Variants in SNTG2 observed in about 807,000 individuals in gnomAD.
The protein encoded by SNTG2 is syntrophin gamma 2.
A neutral mutation model predicts 70.9 loss-of-function variants in SNTG2; 74 were observed. The ratio of observed to expected loss-of-function variants is 1.04; its 90% confidence interval spans 0.86 to 1.27. The LOEUF (loss-of-function observed/expected upper bound fraction) is 1.27, where lower values mean the gene tolerates loss of function less well. SNTG2 is among the 50% of genes most tolerant of loss of function. The pLI is 0.00. For synonymous variants in SNTG2, 278 were observed against 273.8 expected (o/e 1.02, Z -0.15); for missense variants, 717 against 690.7 (o/e 1.04, Z -0.43).
chr2:982,200 C>T (rs1350598215), intron 1 of SNTG2, among the ~76,000 whole-genome samples: 2 of 152,208 alleles, frequency 1.3e-5, no homozygotes, highest in Non-Finnish European at 2.9e-5. Flanking sequence ...GAATCCTGCT[C>T]TCCTTGTTTT....
chr2:1,222,067 CTCTCTGTCTCTGTCTCTGT>C (rs1675144299), intron 9 of SNTG2, among the ~76,000 whole-genome samples: 1 of 13,014 alleles, frequency 7.7e-5, no homozygotes, highest in Non-Finnish European at 2.0e-4. Context: ...GTCTCTGTTT[CTCTCTGTCTCTGTCTCTGT>C]CTCTCTCTGT....
At chr2:1,204,059 T>A (rs1673473586) in intron 8 of SNTG2, among the ~76,000 whole-genome samples, 1 of 152,184 alleles carries the variant, frequency 6.6e-6, no homozygotes, top group Admixed American at 6.5e-5. Flanking sequence ...ATCATTCGAT[T>A]AATACCGAGT....
intron 9 of SNTG2, among the ~76,000 whole-genome samples, chr2:1,216,867 C>T (rs530195082): frequency 2.8e-4 from 43 of 152,010 alleles, no homozygotes; most frequent in African/African-American, 7.2e-4. Flanking sequence ...CTCATGATAG[C>T]GAGTGAATTC....
At chr2:1,314,484 A>G (rs1681174070) in intron 15 of SNTG2, among the ~76,000 whole-genome samples, 1 of 152,238 alleles carries the variant, frequency 6.6e-6, no homozygotes, top group Non-Finnish European at 1.5e-5. Context: ...CTCCGGAGGC[A>G]GGTGCAGTGG....
Position 1,366,197 on chromosome 2 carries a change from T to C in SNTG2, c.1489-1146T>C, listed in dbSNP as rs563006917. Among the ~76,000 whole-genome samples, 10 of 152,288 alleles carry C rather than the reference T, an allele frequency of 6.6e-5. No individual in the cohort carries two copies. In the East Asian group the frequency reaches 1.7e-3, roughly 27 times the overall value. The stretch of plus-strand genomic sequence containing the variant: ...TCAAAATAAATTTTATTTTCTTCAT[T>C]TTATTGAATTTTGTTATGCAAACAA... On this transcript the variant is annotated intron_variant, in intron 16 of 16. Transcript: ENST00000308624.
intron 1 of SNTG2, among the ~76,000 whole-genome samples, chr2:1,027,275 G>A (rs888842391): frequency 2.7e-5 from 4 of 150,796 alleles, no homozygotes; most frequent in Admixed American, 2.0e-4. Context: ...AAGCAGGTGC[G>A]TCTGACCCAC....
chr2:1,226,615 T>G (rs546824310), intron 9 of SNTG2, among the ~76,000 whole-genome samples: 9 of 151,444 alleles, frequency 5.9e-5, no homozygotes, highest in South Asian at 2.1e-4. Context: ...GGGACCCAGC[T>G]TGTGAAGGAC....
At chr2:1,330,751 G>C (rs1231252543) in intron 16 of SNTG2, among the ~76,000 whole-genome samples, 1 of 152,266 alleles carries the variant, frequency 6.6e-6, no homozygotes, top group African/African-American at 2.4e-5. Flanking sequence ...GAGTCACATG[G>C]GTCCATTTAC....
intron 14 of SNTG2, among the ~76,000 whole-genome samples, chr2:1,302,237 G>C: frequency 6.6e-6 from 1 of 152,130 alleles, no homozygotes; most frequent in East Asian, 1.9e-4. Flanking sequence ...GGGATTACAG[G>C]TGTGAGCCAC....
At chr2:1,169,880 C>T (rs543522174) in intron 7 of SNTG2, among the ~76,000 whole-genome samples, 10 of 152,276 alleles carry the variant, frequency 6.6e-5, no homozygotes, top group Non-Finnish European at 8.8e-5. Flanking sequence ...GTCTATTCTC[C>T]TTTTATTTCA....
chr2:1,045,922 TTTGTTAGTA>T (rs980895094), intron 1 of SNTG2, among the ~76,000 whole-genome samples: 1 of 152,128 alleles, frequency 6.6e-6, no homozygotes, highest in Non-Finnish European at 1.5e-5. Flanking sequence ...CCTGAATATA[TTTGTTAGTA>T]TTCTGCCTCA....
At chr2:1,211,158 C>G (rs916777172) in intron 9 of SNTG2, among the ~76,000 whole-genome samples, 2 of 152,234 alleles carry the variant, frequency 1.3e-5, no homozygotes, top group African/African-American at 4.8e-5. Context: ...ACTGTGAATT[C>G]CTTTTAAAGT....
At chr2:993,015 G>A (rs1337293625) in intron 1 of SNTG2, among the ~76,000 whole-genome samples, 1 of 150,664 alleles carries the variant, frequency 6.6e-6, no homozygotes, top group East Asian at 2.0e-4. Context: ...CTAAAGATTT[G>A]CCTTCTGTGG....
intron 1 of SNTG2, among the ~76,000 whole-genome samples, chr2:1,010,236 C>T (rs1659691989): frequency 6.6e-6 from 1 of 152,068 alleles, no homozygotes; most frequent in South Asian, 2.1e-4. Flanking sequence ...AGAACTCAGG[C>T]TGCAAAAATG....
At chr2:1,103,165 A>G (rs954437966) in intron 4 of SNTG2, among the ~76,000 whole-genome samples, 1 of 152,166 alleles carries the variant, frequency 6.6e-6, no homozygotes, top group African/African-American at 2.4e-5. Context: ...CAGTGCAGAT[A>G]TAGGGTTGAG....
chr2:1,265,998 G>A (rs1034759417), intron 13 of SNTG2, among the ~76,000 whole-genome samples: 5 of 152,136 alleles, frequency 3.3e-5, no homozygotes, highest in Admixed American at 6.5e-5. Flanking sequence ...GGGTGGATCT[G>A]TGGACCAGTA....
intron 1 of SNTG2, among the ~76,000 whole-genome samples, chr2:974,115 T>C (rs1660835392): frequency 6.6e-6 from 1 of 152,214 alleles, no homozygotes. Flanking sequence ...AAGGAAGTGG[T>C]GGCCTCTTCT....
intron 14 of SNTG2, among the ~76,000 whole-genome samples, chr2:1,278,349 C>T (rs9750959): frequency 0.16 from 24,892 of 151,692 alleles, 2,384 homozygotes; most frequent in East Asian, 0.32. Context: ...GTGCTAATGA[C>T]GTATGTTGTT....
rs1369936861 is a variant in SNTG2, at chr2:1,316,346, A to G, written c.1459A>G (p.Asn487Asp). 17 of 1,548,190 alleles carry G rather than the reference A, an allele frequency of 1.1e-5. No individual in the cohort carries two copies. In the South Asian group the frequency reaches 2.0e-4, roughly 18 times the overall value. The change falls in exon 16 of 17, where the codon AAT becomes GAT. Residue 487 changes from asparagine (N) to aspartate (D), a missense_variant. Transcript: ENST00000308624. ...GKTRVKLLFQ[N>D]LDTKQIETKE... is the part of the protein sequence containing the mutation. ...AACTCGAGTAAAGCTGCTGTTTCAG[A>G]ATCTGGACACCAAACAGATTGAGAC... is the stretch of plus-strand genomic sequence containing the variant.
Sources: gnomAD v4.1 joint callset for allele counts (sites outside exome capture counted in the v4.1 genomes callset) on GRCh38, gnomAD v4.1.1 for gene constraint, MANE v1.5 for transcripts, NCBI Gene and HGNC (gene_info 2026-07-23, HGNC 2026-07-21) for gene names.